LRP1B: variants seen among roughly 807,000 people sequenced by gnomAD.
LRP1B encodes the protein low-density lipoprotein receptor-related protein 1B.
Under a neutral mutation model 556.6 loss-of-function variants are expected in LRP1B, and 217 were observed. The observed-to-expected ratio is 0.39, with a 90% confidence interval of 0.35 to 0.44. The LOEUF is 0.44. LRP1B is among the 20% of genes least tolerant of loss of function. LRP1B has a pLI of 1.00. For synonymous variants in LRP1B, 2,047 were observed against 1,865.8 expected (o/e 1.10, Z -2.50); for missense variants, 5,053 against 5,620.8 (o/e 0.90, Z 3.23).
At chr2:141,131,204 CAGG>C (rs1446546727) in intron 7 of LRP1B, among the ~76,000 whole-genome samples, 1 of 151,786 alleles carries the variant, frequency 6.6e-6, no homozygotes, top group African/African-American at 2.4e-5. Flanking sequence ...TTTTCCATTT[CAGG>C]ACATAACTCC....
intron 41 of LRP1B, among the ~76,000 whole-genome samples, chr2:140,620,444 T>C (rs1683409424): frequency 6.6e-6 from 1 of 152,230 alleles, no homozygotes; most frequent in Non-Finnish European, 1.5e-5. Flanking sequence ...TTTTAGGAAA[T>C]GTTACATTTA....
At chr2:141,501,426 A>G (rs1404764179) in intron 2 of LRP1B, among the ~76,000 whole-genome samples, 1 of 152,164 alleles carries the variant, frequency 6.6e-6, no homozygotes, top group Non-Finnish European at 1.5e-5. Context: ...AGTATACTAC[A>G]TGAAAAGAAA....
At position 141,590,539 on chromosome 2, in the gene LRP1B, G is replaced by GT. The variant is rs961155462; in HGVS notation, c.206-110007dup. ...GTCATTCTGAATTAAGCCTCAAACA[G>GT]TTTTTTTTATAGGCAAGAAAGGGTA... is the stretch of plus-strand genomic sequence containing the variant. On this transcript the variant is annotated intron_variant, in intron 2 of 90. Transcript: ENST00000389484. Among the ~76,000 whole-genome samples, 34 of 151,968 alleles carry GT rather than the reference G, an allele frequency of 2.2e-4. No individual in the cohort carries two copies. The East Asian group carries it at 2.3e-3, about 10-fold the overall frequency.
intron 4 of LRP1B, among the ~76,000 whole-genome samples, chr2:141,249,180 T>C (rs1038595810): frequency 6.6e-6 from 1 of 152,054 alleles, no homozygotes; most frequent in Non-Finnish European, 1.5e-5. Context: ...TGGAAGTCAA[T>C]AGCATATATA....
rs2105301295 is a variant in LRP1B at position 140,442,611 on chromosome 2, C to T, written c.10307G>A (p.Cys3436Tyr). The change falls in exon 66 of 91, where the codon TGT (cysteine) becomes TAT (tyrosine). Residue 3436 changes from cysteine to tyrosine, a missense_variant. By Grantham distance (194) the Cys-to-Tyr change is radical (BLOSUM62 -2). Coordinates refer to ENST00000389484, the MANE Select transcript of LRP1B (RefSeq NM_018557.3). ...CTTACACTGGAAATAGTCTGGAGAA[C>T]AGCTGTTTTCAGCTTAGAAAGAAAA... ...EDERDCPENS[C>Y]SPDYFQCKTT... 6.2e-7 allele frequency: 1 copy of T among 1,612,788 alleles called. No homozygotes were observed. Among genetic ancestry groups the T allele is most frequent in the Admixed American group, 1.7e-5 (1 of 59,694 alleles).
chr2:140,649,037 A>C (rs913782920), intron 41 of LRP1B, among the ~76,000 whole-genome samples: 2 of 152,144 alleles, frequency 1.3e-5, no homozygotes, highest in African/African-American at 4.8e-5. Context: ...TTATATCTCT[A>C]GACTTTGACC....
At chr2:141,303,645 C>T (rs1464975560) in intron 3 of LRP1B, among the ~76,000 whole-genome samples, 1 of 152,110 alleles carries the variant, frequency 6.6e-6, no homozygotes, top group Non-Finnish European at 1.5e-5. Flanking sequence ...AGATACACCC[C>T]ATTTTCTTTA....
intron 7 of LRP1B, among the ~76,000 whole-genome samples, chr2:141,068,624 T>C (rs1699549730): frequency 6.6e-6 from 1 of 151,860 alleles, no homozygotes; most frequent in Non-Finnish European, 1.5e-5. Context: ...CCAGGTAGTT[T>C]TTCCTATTGG....
intron 11 of LRP1B, among the ~76,000 whole-genome samples, chr2:141,047,927 T>G (rs1698925216): frequency 1.3e-5 from 2 of 152,106 alleles, no homozygotes; most frequent in Admixed American, 1.3e-4. Flanking sequence ...CATAAAGATA[T>G]CTCTTGCTTC....
intron 7 of LRP1B, among the ~76,000 whole-genome samples, chr2:141,079,505 A>C (rs938114357): frequency 3.3e-5 from 5 of 152,256 alleles, no homozygotes; most frequent in Admixed American, 6.5e-5. Flanking sequence ...GAAAGTGAGC[A>C]CAACAGACTC....
At chr2:141,981,501 G>C (rs918319511) in intron 1 of LRP1B, among the ~76,000 whole-genome samples, 1 of 152,102 alleles carries the variant, frequency 6.6e-6, no homozygotes, top group African/African-American at 2.4e-5. Context: ...GGGGTCCAGA[G>C]AATCACTCCC....
At chr2:140,313,783 A>C (rs1476050400) in intron 83 of LRP1B, among the ~76,000 whole-genome samples, 1 of 151,910 alleles carries the variant, frequency 6.6e-6, no homozygotes, top group East Asian at 1.9e-4. Context: ...CTGTAGTAAC[A>C]GAATATACTT....
chr2:140,725,795 C>T (rs1687574086), intron 35 of LRP1B, among the ~76,000 whole-genome samples: 1 of 152,110 alleles, frequency 6.6e-6, no homozygotes, highest in African/African-American at 2.4e-5. Context: ...AGCCTCACAT[C>T]ATATCCTTGA....
At chr2:141,837,646 T>C (rs1318698403) in intron 1 of LRP1B, among the ~76,000 whole-genome samples, 1 of 152,100 alleles carries the variant, frequency 6.6e-6, no homozygotes, top group Non-Finnish European at 1.5e-5. Flanking sequence ...GAAACTGGAT[T>C]TACCTGCTTC....
chr2:141,507,813 T>C (rs1315731512), intron 2 of LRP1B, among the ~76,000 whole-genome samples: 1 of 152,108 alleles, frequency 6.6e-6, no homozygotes, highest in South Asian at 2.1e-4. Flanking sequence ...AGTCTGGGTG[T>C]GGTGGCTCAC....
chr2:141,711,308 C>A (rs899380349), intron 2 of LRP1B, among the ~76,000 whole-genome samples: 1 of 152,108 alleles, frequency 6.6e-6, no homozygotes, highest in African/African-American at 2.4e-5. Flanking sequence ...TATTGGAATT[C>A]GAACCAGGAG....
chr2:142,126,954 A>C (rs1707676508), intron 1 of LRP1B, among the ~76,000 whole-genome samples: 1 of 151,888 alleles, frequency 6.6e-6, no homozygotes, highest in Admixed American at 6.6e-5. Flanking sequence ...TCCTGGATCC[A>C]ATAGATTTGC....
At chr2:142,122,826 A>G (rs1303376080) in intron 1 of LRP1B, among the ~76,000 whole-genome samples, 1 of 152,090 alleles carries the variant, frequency 6.6e-6, no homozygotes, top group Non-Finnish European at 1.5e-5. Context: ...ATTTCAATAA[A>G]GCACACTTGC....
intron 3 of LRP1B, among the ~76,000 whole-genome samples, chr2:141,313,874 T>C (rs1218814720): frequency 6.6e-6 from 1 of 152,142 alleles, no homozygotes; most frequent in Non-Finnish European, 1.5e-5. Flanking sequence ...CTCTTTTTTT[T>C]TTTTCAAACA....
Sources: allele counts gnomAD v4.1 joint callset (sites outside exome capture counted in the v4.1 genomes callset), GRCh38; gene constraint gnomAD v4.1.1; transcripts MANE v1.5; gene names NCBI Gene and HGNC (gene_info 2026-07-23, HGNC 2026-07-21).